Variants in SLC35F1 observed in about 807,000 individuals in gnomAD.
SLC35F1 encodes solute carrier family 35 member F1.
Under a neutral mutation model 48.7 loss-of-function variants are expected in SLC35F1, and 14 were observed. The ratio of observed to expected loss-of-function variants is 0.29; its 90% CI spans 0.19 to 0.45. The LOEUF (loss-of-function observed/expected upper bound fraction) is 0.45. Among genes scored for constraint, SLC35F1 ranks in the 20% least tolerant of loss-of-function variants. SLC35F1 has a pLI of 1.00. For missense variants in SLC35F1, 404 were observed against 500.0 expected (o/e 0.81, Z 1.83); for synonymous variants, 190 against 202.2 (o/e 0.94, Z 0.51).
intron 1 of SLC35F1, among the ~76,000 whole-genome samples, chr6:118,042,728 G>A (rs962648495): frequency 6.6e-6 from 1 of 152,140 alleles, no homozygotes; most frequent in Non-Finnish European, 1.5e-5. Context: ...AAGTATTTAA[G>A]CATACATTTC....
At chr6:117,954,888 T>C (rs1197186597) in intron 1 of SLC35F1, among the ~76,000 whole-genome samples, 2 of 152,258 alleles carry the variant, frequency 1.3e-5, no homozygotes, top group African/African-American at 4.8e-5. Flanking sequence ...ACTCATTGAC[T>C]GTTATATGCT....
At chr6:117,932,939 C>G (rs751153347) in intron 1 of SLC35F1, among the ~76,000 whole-genome samples, 1 of 152,160 alleles carries the variant, frequency 6.6e-6, no homozygotes, top group Non-Finnish European at 1.5e-5. Flanking sequence ...AGTTGCTGCT[C>G]AGAAAACTAG....
chr6:118,039,580 G>T (rs4946318), intron 1 of SLC35F1, among the ~76,000 whole-genome samples: 5 of 151,144 alleles, frequency 3.3e-5, no homozygotes, highest in Admixed American at 3.3e-4. Flanking sequence ...ATTTCTATTG[G>T]TCTATTTTCA....
At chr6:118,165,460 C>T (rs1162566923) in intron 2 of SLC35F1, among the ~76,000 whole-genome samples, 1 of 152,148 alleles carries the variant, frequency 6.6e-6, no homozygotes, top group Non-Finnish European at 1.5e-5. Flanking sequence ...TGGAGTAAAA[C>T]ACTCCCAAGT....
chr6:118,151,690 A>G (rs1774059987), intron 1 of SLC35F1, among the ~76,000 whole-genome samples: 1 of 151,780 alleles, frequency 6.6e-6, no homozygotes, highest in African/African-American at 2.4e-5. Context: ...TAATTTTTTT[A>G]ATTTTTTGTA....
intron 3 of SLC35F1, among the ~76,000 whole-genome samples, chr6:118,259,570 T>C (rs1342876898): frequency 6.6e-6 from 1 of 151,958 alleles, no homozygotes; most frequent in Non-Finnish European, 1.5e-5. Flanking sequence ...ATAATTTGAA[T>C]AGATATTTTT....
chr6:117,935,408 CTGA>C (rs1227377472), intron 1 of SLC35F1, among the ~76,000 whole-genome samples: 1 of 152,184 alleles, frequency 6.6e-6, no homozygotes, highest in Non-Finnish European at 1.5e-5. Flanking sequence ...TTGTGAGCTA[CTGA>C]TGATAACATT....
intron 2 of SLC35F1, among the ~76,000 whole-genome samples, chr6:118,211,208 T>C (rs1047895157): frequency 2.0e-5 from 3 of 152,230 alleles, no homozygotes; most frequent in Non-Finnish European, 2.9e-5. Flanking sequence ...CCATCTAGTC[T>C]GTGGTACTTT....
chr6:118,276,459 A>T (rs1263985043), intron 5 of SLC35F1, among the ~76,000 whole-genome samples: 2 of 152,222 alleles, frequency 1.3e-5, no homozygotes, highest in Non-Finnish European at 2.9e-5. Flanking sequence ...ATATTTTAGC[A>T]TCACCTTAAA....
intron 1 of SLC35F1, among the ~76,000 whole-genome samples, chr6:117,960,844 T>G (rs1776488666): frequency 6.6e-6 from 1 of 152,168 alleles, no homozygotes; most frequent in African/African-American, 2.4e-5. Flanking sequence ...ATTGTACTGT[T>G]TGTTTCTTAC....
chr6:118,023,033 CAGGCGTGA>C (rs924144432), intron 1 of SLC35F1, among the ~76,000 whole-genome samples: 5 of 152,132 alleles, frequency 3.3e-5, no homozygotes, highest in Admixed American at 3.3e-4. Flanking sequence ...GCTGCGATTA[CAGGCGTGA>C]GCCACCATGC....
intron 2 of SLC35F1, among the ~76,000 whole-genome samples, chr6:118,216,442 CCTT>C (rs1775073620): frequency 7.4e-6 from 1 of 135,878 alleles, no homozygotes; most frequent in Non-Finnish European, 1.6e-5. Context: ...AGATAAGTTC[CCTT>C]CTTCCCCCTA....
chr6:118,165,700 A>G (rs567490144), intron 2 of SLC35F1, among the ~76,000 whole-genome samples: 1 of 152,348 alleles, frequency 6.6e-6, no homozygotes, highest in African/African-American at 2.4e-5. Context: ...ACCGAGGTAC[A>G]TGTCAACTGC....
At chr6:118,082,928 T>C (rs542637474) in intron 1 of SLC35F1, among the ~76,000 whole-genome samples, 2 of 152,244 alleles carry the variant, frequency 1.3e-5, no homozygotes, top group South Asian at 4.1e-4. Flanking sequence ...ATAGTCAGCC[T>C]GGATGACACT....
chr6:118,108,309 T>C (rs908253016), intron 1 of SLC35F1, among the ~76,000 whole-genome samples: 2 of 152,170 alleles, frequency 1.3e-5, no homozygotes, highest in African/African-American at 4.8e-5. Context: ...TTTATCATGG[T>C]CAAGTCTTGT....
At chr6:118,186,837 G>T (rs546072987) in intron 2 of SLC35F1, among the ~76,000 whole-genome samples, 4 of 152,302 alleles carry the variant, frequency 2.6e-5, no homozygotes, top group Non-Finnish European at 4.4e-5. Context: ...CCTGTCTGAT[G>T]AACTGTTAAG....
chr6:118,177,016 T>C (rs1033949565), intron 2 of SLC35F1, among the ~76,000 whole-genome samples: 4 of 152,116 alleles, frequency 2.6e-5, no homozygotes, highest in Non-Finnish European at 5.9e-5. Flanking sequence ...TTTTAACTTG[T>C]TAAAAGTTAT....
At chr6:117,944,904 C>T (rs888824777) in intron 1 of SLC35F1, among the ~76,000 whole-genome samples, 15 of 152,246 alleles carry the variant, frequency 9.9e-5, no homozygotes, top group Admixed American at 9.8e-4. Flanking sequence ...CTGGATCTGT[C>T]TTTGACAAGG....
chr6:118,277,189 C>T (rs1775928039), intron 5 of SLC35F1, among the ~76,000 whole-genome samples: 1 of 152,168 alleles, frequency 6.6e-6, no homozygotes, highest in South Asian at 2.1e-4. Context: ...TCACCATTTG[C>T]TTTTCAGAAA....
Sources: allele counts gnomAD v4.1 joint callset (sites outside exome capture counted in the v4.1 genomes callset), GRCh38; gene constraint gnomAD v4.1.1; transcripts MANE v1.5; gene names NCBI Gene and HGNC (gene_info 2026-07-23, HGNC 2026-07-21).